The following TSHR variants were observed in gnomAD, a reference collection of about 807,000 sequenced individuals.
TSHR encodes the protein thyrotropin receptor.
Under a neutral mutation model 64.1 loss-of-function variants are expected in TSHR, and 51 were observed. That is an observed-to-expected ratio of 0.80 (90% confidence interval 0.64 to 1.01). TSHR has a LOEUF of 1.01. Among genes scored for constraint, TSHR ranks in the 50% least tolerant of loss-of-function variants. TSHR has a pLI of 0.00. For missense variants in TSHR, 877 were observed against 942.8 expected (o/e 0.93, Z 0.91); for synonymous variants, 361 against 361.9 (o/e 1.00, Z 0.03).
intron 5 of TSHR, among the ~76,000 whole-genome samples, chr14:81,092,158 T>C (rs1888787638): frequency 6.6e-6 from 1 of 152,228 alleles, no homozygotes; most frequent in Non-Finnish European, 1.5e-5. Flanking sequence ...TTTAATCCTT[T>C]TATCCTGACC....
intron 1 of TSHR, among the ~76,000 whole-genome samples, chr14:80,959,712 T>C (rs1886915399): frequency 6.6e-6 from 1 of 152,224 alleles, no homozygotes; most frequent in Non-Finnish European, 1.5e-5. Flanking sequence ...TCAGATATGT[T>C]TCTGAAGGAG....
At chr14:81,051,408 C>G (rs1354593049) in intron 1 of TSHR, 1 of 152,056 alleles carries the variant, frequency 6.6e-6, no homozygotes, top group East Asian at 1.9e-4. Flanking sequence ...TGACCTTCTC[C>G]CATGGATTAC....
chr14:81,120,480 G>T (rs73340227), intron 8 of TSHR, among the ~76,000 whole-genome samples: 1 of 152,082 alleles, frequency 6.6e-6, no homozygotes, highest in Non-Finnish European at 1.5e-5. Flanking sequence ...TTTTCTGATA[G>T]CTTATTGTTT....
Position 81,092,538 on chromosome 14 carries a change from A to G in TSHR, c.475A>G (p.Thr159Ala), listed in dbSNP as rs1334238684. 6.2e-7 allele frequency: 1 copy of G among 1,614,150 alleles called. No individual in the cohort carries two copies. Among genetic ancestry groups the G allele is most frequent in the Non-Finnish European group, 8.5e-7 (1 of 1,179,976 alleles). ...STDIFFILEITDNPYMTSIPV... is the reference protein window; with the variant it reads ...STDIFFILEIADNPYMTSIPV... ...TGTCCCTCTCTCTTGCAGTGAAATTACAGACAACCCTTACATGACGTCAAT... is the reference window on the plus strand; with the variant it reads ...TGTCCCTCTCTCTTGCAGTGAAATTGCAGACAACCCTTACATGACGTCAAT... The change falls in exon 6 of 10, where the codon ACA becomes GCA. Residue 159 changes from threonine to alanine, a missense_variant. Coordinates refer to ENST00000298171, the MANE Select transcript of TSHR (RefSeq NM_000369.5).
chr14:80,963,859 G>A (rs1441906333), intron 1 of TSHR, among the ~76,000 whole-genome samples: 2 of 152,206 alleles, frequency 1.3e-5, no homozygotes, highest in African/African-American at 2.4e-5. Flanking sequence ...AAATGCCAAG[G>A]TGTCACATTT....
At chr14:81,007,066 A>T (rs1889643785) in intron 1 of TSHR, among the ~76,000 whole-genome samples, 1 of 152,170 alleles carries the variant, frequency 6.6e-6, no homozygotes, top group African/African-American at 2.4e-5. Context: ...TGTCACTGTT[A>T]TGTATTTAAA....
intron 1 of TSHR, among the ~76,000 whole-genome samples, chr14:80,985,636 G>C (rs1372283984): frequency 6.6e-6 from 1 of 152,184 alleles, no homozygotes; most frequent in African/African-American, 2.4e-5. Context: ...GAGCTGAAAC[G>C]GAAGTTTCTA....
intron 1 of TSHR, among the ~76,000 whole-genome samples, chr14:81,042,447 T>C (rs1470346712): frequency 2.6e-5 from 4 of 152,182 alleles, no homozygotes; most frequent in Admixed American, 2.6e-4. Flanking sequence ...TGGAATTATA[T>C]TTAGCCATAA....
Position 80,974,030 on chromosome 14 carries a change from C to G in TSHR, c.170+18180C>G, listed in dbSNP as rs116337733. ...ACTAGTAAGATCTGTAAAATCTGCT[C>G]TCCCCACAATGAGTGATTATACGGA... On this transcript the variant is annotated intron_variant, in intron 1 of 9. Coordinates refer to ENST00000298171, the MANE Select transcript of TSHR (RefSeq NM_000369.5). Among the ~76,000 whole-genome samples, 163 of 152,264 alleles carry G rather than the reference C, an allele frequency of 1.1e-3. 2 individuals carry two copies. Among genetic ancestry groups the G allele is most frequent in the African/African-American group, 3.4e-3 (142 of 41,548 alleles).
intron 2 of TSHR, among the ~76,000 whole-genome samples, chr14:81,063,602 G>T (rs537575266): frequency 8.5e-4 from 129 of 152,136 alleles, no homozygotes; most frequent in African/African-American, 2.9e-3. Flanking sequence ...CTGCCTATTT[G>T]GTGTCTCTGT....
intron 1 of TSHR, among the ~76,000 whole-genome samples, chr14:81,019,005 T>G (rs1188329944): frequency 6.6e-6 from 1 of 152,012 alleles, no homozygotes; most frequent in East Asian, 1.9e-4. Flanking sequence ...AAACTTGATG[T>G]GGATTGAAAG....
chr14:81,086,694 G>A (rs1354537988), intron 3 of TSHR, among the ~76,000 whole-genome samples: 1 of 152,164 alleles, frequency 6.6e-6, no homozygotes, highest in Non-Finnish European at 1.5e-5. Flanking sequence ...ATAATCAGAA[G>A]TGGCAGAGCC....
At chr14:80,964,405 T>A (rs1887189810) in intron 1 of TSHR, among the ~76,000 whole-genome samples, 1 of 151,546 alleles carries the variant, frequency 6.6e-6, no homozygotes, top group Non-Finnish European at 1.5e-5. Flanking sequence ...AAACATATTG[T>A]TAAATGAATT....
intron 1 of TSHR, among the ~76,000 whole-genome samples, chr14:81,008,379 A>G (rs577705858): frequency 2.0e-5 from 3 of 152,024 alleles, no homozygotes; most frequent in South Asian, 2.1e-4. Flanking sequence ...TCACCTTGTT[A>G]GCCAGGATGG....
At chr14:80,963,871 G>A (rs1846160911) in intron 1 of TSHR, among the ~76,000 whole-genome samples, 1 of 152,184 alleles carries the variant, frequency 6.6e-6, no homozygotes, top group Admixed American at 6.5e-5. Flanking sequence ...GTCACATTTG[G>A]GGATAGAATG....
Position 81,056,661 on chromosome 14 carries a change from A to G in TSHR, c.171-5487A>G, listed in dbSNP as rs370211133. On this transcript the variant is annotated intron_variant, in intron 1 of 9. Transcript: ENST00000298171. The stretch of plus-strand genomic sequence containing the variant: ...CTCTCCCAGATGGCCTAAGCTGAGC[A>G]ATTTCCATAAGTCAAACTTATCAAG... Among the ~76,000 whole-genome samples, 18 of 152,310 alleles carry G rather than the reference A, an allele frequency of 1.2e-4. No homozygotes were observed. The East Asian group carries it at 2.3e-3, about 20-fold the overall frequency.
At chr14:81,034,764 C>T (rs959523203) in intron 1 of TSHR, among the ~76,000 whole-genome samples, 1 of 152,102 alleles carries the variant, frequency 6.6e-6, no homozygotes, top group East Asian at 1.9e-4. Flanking sequence ...GAAAATTGTC[C>T]TATGACAGAA....
chr14:81,067,487 A>ATT (rs139078438), intron 2 of TSHR, among the ~76,000 whole-genome samples: 1 of 144,462 alleles, frequency 6.9e-6, no homozygotes, highest in East Asian at 2.0e-4. Context: ...ATAGTTTTAT[A>ATT]TATATATATA....
chr14:80,999,860 G>T (rs1449411350), intron 1 of TSHR, among the ~76,000 whole-genome samples: 1 of 151,614 alleles, frequency 6.6e-6, no homozygotes, highest in East Asian at 2.0e-4. Context: ...CACTGTAGAA[G>T]TCATTTGTTT....
Sources: gnomAD v4.1 joint callset for allele counts (sites outside exome capture counted in the v4.1 genomes callset) on GRCh38, gnomAD v4.1.1 for gene constraint, MANE v1.5 for transcripts, NCBI Gene and HGNC (gene_info 2026-07-23, HGNC 2026-07-21) for gene names.